Variants in ANKRD55 observed in about 807,000 individuals in gnomAD.
The protein encoded by ANKRD55 is ankyrin repeat domain-containing protein 55.
A neutral mutation model predicts 60.6 loss-of-function variants in ANKRD55; 41 were observed. The ratio of observed to expected loss-of-function variants is 0.68; its 90% CI spans 0.53 to 0.88. The LOEUF is 0.88. Ranked by LOEUF, ANKRD55 falls within the 40% of genes least tolerant of loss-of-function variation. The pLI is 0.00. For synonymous variants in ANKRD55, 264 were observed against 290.3 expected, an observed-to-expected ratio of 0.91 and a Z score of 0.92; for missense variants, 732 against 767.6, an observed-to-expected ratio of 0.95 and a Z score of 0.55.
At chr5:56,194,328 A>G (rs1434369738) in intron 2 of ANKRD55, among the ~76,000 whole-genome samples, 2 of 151,924 alleles carry the variant, frequency 1.3e-5, no homozygotes, top group Admixed American at 1.3e-4. Flanking sequence ...AAAAAAAAAA[A>G]AAAAGAAAAT....
intron 8 of ANKRD55, among the ~76,000 whole-genome samples, chr5:56,120,089 T>G (rs1317966868): frequency 1.3e-5 from 2 of 151,030 alleles, no homozygotes; most frequent in Non-Finnish European, 2.9e-5. Context: ...CAGGCTGGAG[T>G]GCAGTGGTGC....
rs540557875 is a variant in ANKRD55, at chr5:56,109,750, G to A, written c.1630+1368C>T. Among the ~76,000 whole-genome samples, 7 of 152,236 alleles carry A rather than the reference G, an allele frequency of 4.6e-5. No individual in the cohort carries two copies. In the East Asian group the frequency reaches 1.2e-3, roughly 25 times the overall value. ...AAAATATAAATTCTATGCCAGGCGC[G>A]GTGGCTCACGCCTGTAATCCCAGCA... is the stretch of plus-strand genomic sequence containing the variant. On this transcript the variant is annotated intron_variant, in intron 10 of 11. Coordinates refer to ENST00000341048, the MANE Select transcript of ANKRD55 (RefSeq NM_024669.3).
At chr5:56,208,657 C>T (rs2111869557) in intron 2 of ANKRD55, among the ~76,000 whole-genome samples, 1 of 152,274 alleles carries the variant, frequency 6.6e-6, no homozygotes, top group African/African-American at 2.4e-5. Flanking sequence ...CTCCTGACCT[C>T]AGGTGATCTG....
chr5:56,113,037 G>A (rs565708621), intron 9 of ANKRD55, among the ~76,000 whole-genome samples: 303 of 152,166 alleles, frequency 2.0e-3, no homozygotes, highest in Non-Finnish European at 3.6e-3. Context: ...GGGCACTTCC[G>A]ACGCTCAAGT....
At chr5:56,141,035 C>A (rs1353884747) in intron 7 of ANKRD55, among the ~76,000 whole-genome samples, 1 of 151,530 alleles carries the variant, frequency 6.6e-6, no homozygotes, top group East Asian at 1.9e-4. Flanking sequence ...TGCACTCCAA[C>A]CTGGGCAATA....
At chr5:56,150,498 G>A (rs1758014002) in intron 6 of ANKRD55, among the ~76,000 whole-genome samples, 1 of 152,104 alleles carries the variant, frequency 6.6e-6, no homozygotes. Flanking sequence ...CAGCTACTTG[G>A]GAGGCTGAGG....
intron 2 of ANKRD55, among the ~76,000 whole-genome samples, chr5:56,228,448 T>C (rs1320057258): frequency 1.4e-5 from 2 of 146,954 alleles, no homozygotes; most frequent in African/African-American, 5.0e-5. Context: ...TTTTTTGAGG[T>C]GGAGTCTTAC....
At chr5:56,136,564 C>A (rs548726079) in intron 7 of ANKRD55, among the ~76,000 whole-genome samples, 1 of 152,076 alleles carries the variant, frequency 6.6e-6, no homozygotes, top group Non-Finnish European at 1.5e-5. Context: ...AAAAGTAAAC[C>A]TAGACACAGA....
At chr5:56,105,236 G>A (rs1580933451) in intron 10 of ANKRD55, among the ~76,000 whole-genome samples, 8 of 152,038 alleles carry the variant, frequency 5.3e-5, no homozygotes, top group African/African-American at 1.7e-4. Context: ...ACAGGCGTGC[G>A]CCACCACACC....
chr5:56,218,775 C>A (rs893881450), intron 2 of ANKRD55, among the ~76,000 whole-genome samples: 1 of 151,950 alleles, frequency 6.6e-6, no homozygotes, highest in Non-Finnish European at 1.5e-5. Flanking sequence ...ACAAAAAGCA[C>A]ACACACATGT....
intron 6 of ANKRD55, 57 bp from the exon 7 acceptor site, chr5:56,143,986 T>A: frequency 1.9e-6 from 3 of 1,608,396 alleles, no homozygotes. Context: ...GGAAGAAAAC[T>A]GGAGCTCACA....
At chr5:56,102,473 C>T (rs758259759) in intron 11 of ANKRD55, 21 bp downstream of exon 11, 22 of 1,516,792 alleles carry the variant, frequency 1.5e-5, no homozygotes, top group Middle Eastern at 1.7e-4. Flanking sequence ...AAGGAAGCTG[C>T]GGAAGATTCA....
rs33972955 is a variant in ANKRD55 at position 56,141,130 on chromosome 5, G to GTTTTTTTTT, written c.612+2662_612+2670dup. ...ATGTGTGTACATGCATGCACACACAGTTTTTTTTTTTTTTTTTTTTATATA... is the reference window on the plus strand; with the variant it reads ...ATGTGTGTACATGCATGCACACACAGTTTTTTTTTTTTTTTTTTTTTTTTTTTTTATATA... On this transcript the variant is annotated intron_variant, in intron 7 of 11. Transcript: ENST00000341048. Among the ~76,000 whole-genome samples, 22 of 111,758 alleles carry GTTTTTTTTT rather than the reference G, an allele frequency of 2.0e-4. 1 individual carries two copies. The highest frequency in any genetic ancestry group is 3.2e-4 in the Admixed American group (3 of 9,402). The allele number at this position is 111,758 out of a possible 152,430, so 73.3% of individuals were successfully genotyped here.
chr5:56,209,862 C>T (rs1217644399), intron 2 of ANKRD55, among the ~76,000 whole-genome samples: 1 of 151,988 alleles, frequency 6.6e-6, no homozygotes, highest in Non-Finnish European at 1.5e-5. Context: ...GTGAAACTGC[C>T]CTCTAGAAAG....
intron 2 of ANKRD55, among the ~76,000 whole-genome samples, chr5:56,225,883 A>G (rs1030026461): frequency 2.0e-5 from 3 of 151,338 alleles, no homozygotes; most frequent in Non-Finnish European, 3.0e-5. Flanking sequence ...TAGGAAGAAT[A>G]AATATGAAAA....
intron 2 of ANKRD55, among the ~76,000 whole-genome samples, chr5:56,217,049 A>C (rs941321807): frequency 1.3e-5 from 2 of 152,244 alleles, no homozygotes; most frequent in African/African-American, 4.8e-5. Flanking sequence ...GACTCTTGTT[A>C]GGGGCTAATG....
chr5:56,142,102 G>A (rs1757786586), intron 7 of ANKRD55, among the ~76,000 whole-genome samples: 1 of 152,146 alleles, frequency 6.6e-6, no homozygotes, highest in South Asian at 2.1e-4. Flanking sequence ...GGCCGAGCGG[G>A]GCAGATCACG....
At chr5:56,210,115 T>A (rs561536712) in intron 2 of ANKRD55, among the ~76,000 whole-genome samples, 46 of 152,106 alleles carry the variant, frequency 3.0e-4, no homozygotes, top group African/African-American at 8.2e-4. Flanking sequence ...TCAAGCTATT[T>A]TCCCACCTCA....
At chr5:56,176,867 A>C (rs1758748042) in intron 3 of ANKRD55, among the ~76,000 whole-genome samples, 1 of 152,232 alleles carries the variant, frequency 6.6e-6, no homozygotes, top group Admixed American at 6.5e-5. Context: ...TGAACTTTGC[A>C]GGGCTGTTGG....
Sources: gnomAD v4.1 joint callset for allele counts (sites outside exome capture counted in the v4.1 genomes callset) on GRCh38, gnomAD v4.1.1 for gene constraint, MANE v1.5 for transcripts, NCBI Gene and HGNC (gene_info 2026-07-23, HGNC 2026-07-21) for gene names.